The following AGBL4 variants were observed in gnomAD, a reference collection of about 807,000 sequenced individuals.
The protein encoded by AGBL4 is AGBL carboxypeptidase 4.
Under a neutral mutation model 66.4 loss-of-function variants are expected in AGBL4, and 58 were observed. The ratio of observed to expected loss-of-function variants is 0.87; its 90% CI spans 0.71 to 1.09. The LOEUF is 1.09. AGBL4 is among the 50% of genes least tolerant of loss of function. The probability of loss-of-function intolerance (pLI) is 0.00; values close to 1 mark genes in which losing one functional copy is unlikely to be tolerated. For missense variants in AGBL4, 579 were observed against 631.0 expected, an observed-to-expected ratio of 0.92 and a Z score of 0.88; for synonymous variants, 234 against 222.9, an observed-to-expected ratio of 1.05 and a Z score of -0.44.
intron 8 of AGBL4, among the ~76,000 whole-genome samples, chr1:48,638,544 T>C (rs1645704503): frequency 6.6e-6 from 1 of 152,230 alleles, no homozygotes; most frequent in Non-Finnish European, 1.5e-5. Context: ...ATTGTGGCAC[T>C]GTTGAAATTG....
chr1:49,113,185 C>T (rs142229250), intron 4 of AGBL4, among the ~76,000 whole-genome samples: 4,173 of 151,962 alleles, frequency 0.027, 166 homozygotes, highest in African/African-American at 0.095. Flanking sequence ...CTCCTGACCT[C>T]GTGATCCACC....
chr1:49,094,035 C>T (rs927739131), intron 4 of AGBL4, among the ~76,000 whole-genome samples: 2 of 152,060 alleles, frequency 1.3e-5, no homozygotes, highest in Non-Finnish European at 2.9e-5. Context: ...TGACTTTTCG[C>T]ATAGTTTTGT....
rs367831435 is a variant in AGBL4, at chr1:48,590,867, T to C, written c.1070A>G (p.Lys357Arg). The C allele has an allele frequency of 5.0e-6, 8 of 1,605,160 alleles. No homozygotes were observed. The African/African-American group carries it at 1.1e-4, about 21-fold the overall frequency. Reference sequence around the variant, plus strand: ...GTCCTCAGCATTCTGGCAGAGGAGCTTGGGAAAAATGGCCTGCCTCTGGAA... The same window carrying C: ...GTCCTCAGCATTCTGGCAGAGGAGCCTGGGAAAAATGGCCTGCCTCTGGAA... ...ERFQRQAIFP[K>R]LLCQNAEDFS... Residue 357 changes from lysine to arginine, a missense_variant, in exon 10 of 14, where the codon AAG becomes AGG. Transcript: ENST00000371839.
At chr1:49,279,467 A>G (rs534368901) in intron 3 of AGBL4, among the ~76,000 whole-genome samples, 8 of 152,326 alleles carry the variant, frequency 5.3e-5, no homozygotes, top group Non-Finnish European at 1.2e-4. Context: ...GATTTTGGAA[A>G]CAAACAGAGA....
At chr1:48,657,015 C>G (rs930678258) in intron 7 of AGBL4, among the ~76,000 whole-genome samples, 5 of 152,112 alleles carry the variant, frequency 3.3e-5, no homozygotes, top group African/African-American at 1.2e-4. Flanking sequence ...GGAAGGTATC[C>G]AGGCTGGGGT....
At chr1:49,641,109 A>G (rs955756147) in intron 3 of AGBL4, among the ~76,000 whole-genome samples, 82 of 152,166 alleles carry the variant, frequency 5.4e-4, no homozygotes, top group African/African-American at 1.9e-3. Flanking sequence ...TACTTATTCC[A>G]TTTTGTGGTT....
At chr1:49,824,592 C>T (rs1571647140) in intron 2 of AGBL4, among the ~76,000 whole-genome samples, 1 of 152,322 alleles carries the variant, frequency 6.6e-6, no homozygotes, top group East Asian at 1.9e-4. Context: ...GACCTTAGGG[C>T]TTCAGAGAAG....
intron 1 of AGBL4, among the ~76,000 whole-genome samples, chr1:49,935,024 G>C (rs964200549): frequency 1.3e-5 from 2 of 152,234 alleles, no homozygotes; most frequent in African/African-American, 4.8e-5. Flanking sequence ...TCAAAGCAGG[G>C]CAAGGCATTG....
At chr1:49,860,648 G>A (rs187155036) in intron 1 of AGBL4, among the ~76,000 whole-genome samples, 5 of 152,198 alleles carry the variant, frequency 3.3e-5, no homozygotes, top group African/African-American at 4.8e-5. Flanking sequence ...GCAGTGAGCC[G>A]TGATTGTGCC....
intron 5 of AGBL4, among the ~76,000 whole-genome samples, chr1:48,969,491 T>G (rs1658733708): frequency 6.6e-6 from 1 of 152,142 alleles, no homozygotes; most frequent in Non-Finnish European, 1.5e-5. Flanking sequence ...TAAAAATATT[T>G]CTATTTGTCC....
intron 4 of AGBL4, among the ~76,000 whole-genome samples, chr1:49,176,439 C>T (rs371518248): frequency 1.4e-4 from 21 of 152,226 alleles, no homozygotes; most frequent in African/African-American, 3.9e-4. Context: ...CCACACTCCA[C>T]GAAAATCAAT....
intron 6 of AGBL4, among the ~76,000 whole-genome samples, chr1:48,707,680 G>C (rs905504496): frequency 6.6e-6 from 1 of 152,174 alleles, no homozygotes; most frequent in Admixed American, 6.5e-5. Context: ...TCCATGGGCT[G>C]GGAATTGGGT....
At chr1:49,383,237 A>G (rs1315931025) in intron 3 of AGBL4, among the ~76,000 whole-genome samples, 2 of 152,202 alleles carry the variant, frequency 1.3e-5, no homozygotes, top group Admixed American at 6.5e-5. Context: ...TTATCTACAG[A>G]TTCAATGCAA....
intron 9 of AGBL4, among the ~76,000 whole-genome samples, chr1:48,594,871 C>T (rs1235546948): frequency 1.3e-5 from 2 of 152,056 alleles, no homozygotes; most frequent in Non-Finnish European, 2.9e-5. Context: ...ACACAATCAC[C>T]CACATTCTCT....
intron 5 of AGBL4, among the ~76,000 whole-genome samples, chr1:49,008,051 C>A (rs1271612729): frequency 6.6e-6 from 1 of 152,100 alleles, no homozygotes; most frequent in Non-Finnish European, 1.5e-5. Context: ...TGTAAATGGA[C>A]TAAATGCTCC....
chr1:49,397,422 T>G (rs1458984543), intron 3 of AGBL4, among the ~76,000 whole-genome samples: 1 of 152,180 alleles, frequency 6.6e-6, no homozygotes, highest in African/African-American at 2.4e-5. Flanking sequence ...ATTATTTCCC[T>G]TCTCTGATCA....
At chr1:49,143,621 A>G (rs1229154811) in intron 4 of AGBL4, among the ~76,000 whole-genome samples, 1 of 152,172 alleles carries the variant, frequency 6.6e-6, no homozygotes, top group Non-Finnish European at 1.5e-5. Context: ...ACTTCATAAT[A>G]CAATGAATGA....
At chr1:49,124,176 T>C (rs2148052133) in intron 4 of AGBL4, among the ~76,000 whole-genome samples, 1 of 152,210 alleles carries the variant, frequency 6.6e-6, no homozygotes, top group South Asian at 2.1e-4. Context: ...ACAAAATACA[T>C]ATATAAATAA....
rs1644514170 is a variant in AGBL4 at position 49,788,436 on chromosome 1, C to T, written c.157+62960G>A. Among the ~76,000 whole-genome samples, 3 of 148,688 alleles carry T rather than the reference C, an allele frequency of 2.0e-5. No homozygotes were observed. In the South Asian group the frequency reaches 6.5e-4, roughly 32 times the overall value. On this transcript the variant is annotated intron_variant, in intron 2 of 13. Coordinates refer to ENST00000371839, the MANE Select transcript of AGBL4 (RefSeq NM_032785.4). ...AAGAAAAATGAAAAGAAAAAAACTC[C>T]ATCAATACAGATGGACACCGAGATG...
Sources: gnomAD v4.1 joint callset for allele counts (sites outside exome capture counted in the v4.1 genomes callset) on GRCh38, gnomAD v4.1.1 for gene constraint, MANE v1.5 for transcripts, NCBI Gene and HGNC (gene_info 2026-07-23, HGNC 2026-07-21) for gene names.